The following GGT5 variants were observed in gnomAD, a reference collection of about 807,000 sequenced individuals.
The protein encoded by GGT5 is glutathione hydrolase 5 proenzyme.
A neutral mutation model predicts 58.1 loss-of-function variants in GGT5; 50 were observed. The observed-to-expected ratio is 0.86, with a 90% CI of 0.69 to 1.09. The LOEUF is 1.09. Ranked by LOEUF, GGT5 falls within the 50% of genes least tolerant of loss-of-function variation. The pLI, the probability that GGT5 is intolerant of heterozygous loss-of-function variation, is 0.00. For missense variants in GGT5, 800 were observed against 789.4 expected (o/e 1.01, Z -0.16); for synonymous variants, 370 against 346.1 (o/e 1.07, Z -0.77).
chr22:24,225,670 G>A lies in GGT5; in HGVS notation c.1230-18C>T. 1 of 1,513,226 alleles carries A rather than the reference G, an allele frequency of 6.6e-7. No homozygotes were observed. 93.7% of individuals were successfully genotyped at this position (1,513,226 alleles called of 1,614,324 possible). On this transcript the variant is annotated intron_variant, in intron 8 of 11. Coordinates refer to ENST00000327365, the MANE Select transcript of GGT5 (RefSeq NM_004121.5). ...CTCCAAAGCTGCAGCCGTGGAGGCA[G>A]AAGAGCCTGGGCTAGGACCCGGGGC...
chr22:24,228,090 G>GAACCAAA (rs2047831588), intron 6 of GGT5, among the ~76,000 whole-genome samples: 1 of 124,142 alleles, frequency 8.1e-6, no homozygotes, highest in African/African-American at 2.9e-5. Context: ...AAAAAACTCT[G>GAACCAAA]AAAAATAGAG....
chr22:24,220,327 C>T (rs952843698), intron 11 of GGT5, among the ~76,000 whole-genome samples: 8 of 152,164 alleles, frequency 5.3e-5, no homozygotes, highest in Non-Finnish European at 1.2e-4. Context: ...GGACTATGTA[C>T]GAAGGACACC....
chr22:24,220,392 C>A, intron 11 of GGT5: 1 of 577,146 alleles, frequency 1.7e-6, no homozygotes, highest in Non-Finnish European at 3.2e-6. Flanking sequence ...GATCCAAGGA[C>A]ACCAGGGCCT....
At chr22:24,223,599 G>T (rs1228689060) in intron 11 of GGT5, among the ~76,000 whole-genome samples, 1 of 151,922 alleles carries the variant, frequency 6.6e-6, no homozygotes, top group Admixed American at 6.6e-5. Flanking sequence ...TTAGTCTCAA[G>T]GTCTGAAAAC....
In GGT5 at chr22:24,236,618, C is replaced by T. The variant is rs9624435; in HGVS notation, c.174-2614G>A. ...CTCTATTAAAAATACAAAAAATTAGCTGGGCATGGTGGCGGGTGCCTGTAG... is the reference window on the plus strand; with the variant it reads ...CTCTATTAAAAATACAAAAAATTAGTTGGGCATGGTGGCGGGTGCCTGTAG... On this transcript the variant is annotated intron_variant, in intron 1 of 11. Coordinates refer to ENST00000327365, the MANE Select transcript of GGT5 (RefSeq NM_004121.5). Among the ~76,000 whole-genome samples, 189 of 152,188 alleles carry T rather than the reference C, an allele frequency of 1.2e-3. 1 individual carries two copies. Among genetic ancestry groups the T allele is most frequent in the Middle Eastern group, 0.01 (3 of 294 alleles).
At chr22:24,227,970 A>C (rs982963995) in intron 6 of GGT5, among the ~76,000 whole-genome samples, 8 of 144,366 alleles carry the variant, frequency 5.5e-5, no homozygotes, top group Non-Finnish European at 9.0e-5. Flanking sequence ...AATTGCTTGA[A>C]CCCGGGAGGA....
rs553752046 is a variant in GGT5 at position 24,234,202 on chromosome 22, G to A, written c.174-198C>T. Among the ~76,000 whole-genome samples, 52 of 152,354 alleles carry A rather than the reference G, an allele frequency of 3.4e-4. 1 individual carries two copies. In the South Asian group the frequency reaches 9.9e-3, roughly 29 times the overall value. On this transcript the variant is annotated intron_variant, in intron 1 of 11. Coordinates refer to ENST00000327365, the MANE Select transcript of GGT5 (RefSeq NM_004121.5). Reference sequence around the variant, plus strand: ...CACAGGTCCACAACACACTACGGTTGCAAAGTGTGATGCCATTTACACTGA... The same window carrying A: ...CACAGGTCCACAACACACTACGGTTACAAAGTGTGATGCCATTTACACTGA...
At chr22:24,231,326 CG>C in intron 6 of GGT5, 57 bp downstream of exon 6, 6 of 968,952 alleles carry the variant, frequency 6.2e-6, no homozygotes, top group South Asian at 1.8e-5. Flanking sequence ...TCTGAGTTCC[CG>C]GGGGCCGGGG....
At chr22:24,238,110 T>C (rs562766832) in intron 1 of GGT5, among the ~76,000 whole-genome samples, 1 of 149,750 alleles carries the variant, frequency 6.7e-6, no homozygotes, top group East Asian at 2.0e-4. Context: ...GCACCTGTAA[T>C]CCCATCTACT....
Position 24,231,370 on chromosome 22 carries a change from G to C in GGT5, c.901+14C>G, listed in dbSNP as rs1246647682. On this transcript the variant is annotated intron_variant, in intron 6 of 11. Transcript: ENST00000327365. ...GGAGGGGGTGGGCGCCAGGGCTCTG[G>C]GCAGGGGCTTTACCTCTTAGCACGT... The C allele has an allele frequency of 2.0e-6, 3 of 1,537,596 alleles. No homozygotes were observed. In the African/African-American group the frequency reaches 4.1e-5, roughly 21 times the overall value.
In GGT5 at chr22:24,233,491, G is replaced by A. The variant is rs777230321; in HGVS notation, c.400+7C>T. On this transcript the variant is annotated splice_region_variant and intron_variant, in intron 3 of 11. Coordinates refer to ENST00000327365, the MANE Select transcript of GGT5 (RefSeq NM_004121.5). ...GGTGGGAGTGGGGGACCTCCATGGG[G>A]CGTCACCTGTGCCCAGTGGCAGAGC... 3.8e-6 allele frequency: 6 copies of A among 1,564,022 alleles called. No individual in the cohort carries two copies. In the South Asian group the frequency reaches 6.8e-5, roughly 18 times the overall value.
chr22:24,222,799 C>A (rs570128357), intron 11 of GGT5, among the ~76,000 whole-genome samples: 1 of 151,718 alleles, frequency 6.6e-6, no homozygotes, highest in African/African-American at 2.4e-5. Context: ...AGGGAGGGGC[C>A]GGGCGCGGTG....
chr22:24,220,382 G>A, intron 11 of GGT5: 1 of 596,424 alleles, frequency 1.7e-6, no homozygotes, highest in South Asian at 1.5e-5. Flanking sequence ...GTCTGTTCTG[G>A]ATCCAAGGAC....
rs747530564 is a variant in GGT5, at chr22:24,226,049, A to G, written c.1229+27T>C. On this transcript the variant is annotated intron_variant, in intron 8 of 11. Transcript: ENST00000327365. ...GGTCTAGGAGAGGAGGAGTGAAGCC[A>G]TCCGCCTTCCCCCAGGCCCTACGCA... 4.7e-6 allele frequency: 7 copies of G among 1,502,362 alleles called. No individual in the cohort carries two copies. The East Asian group carries it at 1.4e-4, about 30-fold the overall frequency. The allele number at this position is 1,502,362 out of a possible 1,614,324, so 93.1% of individuals were successfully genotyped here. A position where few individuals can be genotyped will look rare whatever the true frequency, so the allele number is the denominator to read the frequency against.
At chr22:24,231,986 C>T in intron 5 of GGT5, 65 bp downstream of exon 5, 1 of 1,390,692 alleles carries the variant, frequency 7.2e-7, no homozygotes, top group Non-Finnish European at 1.0e-6. Flanking sequence ...GCCCTCAACC[C>T]CCAGTGCCCA....
intron 8 of GGT5, 33 bp from the exon 9 acceptor site, chr22:24,225,685 G>A: frequency 7.3e-7 from 1 of 1,361,134 alleles, no homozygotes; most frequent in Non-Finnish European, 1.0e-6. Flanking sequence ...GCCTGGGCTA[G>A]GACCCGGGGC....
rs149890598 is a variant in GGT5 at position 24,234,367 on chromosome 22, C to T, written c.174-363G>A. On this transcript the variant is annotated intron_variant, in intron 1 of 11. Transcript: ENST00000327365. ...CCTCACAGTGGCCTCAGGAGCCCAC[C>T]CTGGGACTCCACTCCCCATCTCACT... 2.3e-3 allele frequency among the ~76,000 whole-genome samples: 356 copies of T among 152,316 alleles called. 3 individuals carry two copies. Among genetic ancestry groups the T allele is most frequent in the African/African-American group, 8.0e-3 (334 of 41,558 alleles).
chr22:24,229,513 T>C (rs1227271021), intron 6 of GGT5, among the ~76,000 whole-genome samples: 1 of 151,828 alleles, frequency 6.6e-6, no homozygotes, highest in Admixed American at 6.6e-5. Context: ...ACTGCTTGTG[T>C]GATGGGTGCA....
intron 1 of GGT5, among the ~76,000 whole-genome samples, chr22:24,238,835 A>ATATATATATATATATT: frequency 7.8e-5 from 1 of 12,768 alleles, no homozygotes; most frequent in East Asian, 3.2e-3. Context: ...ATATATATTT[A>ATATATATATATATATT]TATATATATA....
Sources: allele counts gnomAD v4.1 joint callset (sites outside exome capture counted in the v4.1 genomes callset), GRCh38; gene constraint gnomAD v4.1.1; transcripts MANE v1.5; gene names NCBI Gene and HGNC (gene_info 2026-07-23, HGNC 2026-07-21).